CFAP20DC: variants seen among roughly 807,000 people sequenced by gnomAD.
CFAP20DC encodes the protein protein CFAP20DC.
A neutral mutation model predicts 101.7 loss-of-function variants in CFAP20DC; 84 were observed. That is an observed-to-expected ratio of 0.83 (90% confidence interval 0.69 to 0.99). The LOEUF (loss-of-function observed/expected upper bound fraction) is 0.99, where lower values mean the gene tolerates loss of function less well. CFAP20DC is among the 50% of genes least tolerant of loss of function. The pLI, the probability that CFAP20DC is intolerant of heterozygous loss-of-function variation, is 0.00. For missense variants in CFAP20DC, 1,007 were observed against 970.3 expected (o/e 1.04, Z -0.50); for synonymous variants, 359 against 351.2 (o/e 1.02, Z -0.25).
chr3:58,810,181 G>A (rs546431312), intron 14 of CFAP20DC, among the ~76,000 whole-genome samples: 31 of 152,156 alleles, frequency 2.0e-4, no homozygotes, highest in African/African-American at 7.5e-4. Context: ...GAAAAAGAGG[G>A]AATCCTCCCT....
chr3:58,929,134 A>G (rs1440934572), intron 5 of CFAP20DC, among the ~76,000 whole-genome samples: 1 of 152,202 alleles, frequency 6.6e-6, no homozygotes, highest in Admixed American at 6.5e-5. Context: ...AATATGAAAG[A>G]CCTTTCAGTC....
intron 5 of CFAP20DC, among the ~76,000 whole-genome samples, chr3:58,917,495 A>G (rs1315078788): frequency 1.3e-5 from 2 of 152,226 alleles, no homozygotes; most frequent in African/African-American, 4.8e-5. Flanking sequence ...ATGACAAACA[A>G]GAAACCACAA....
chr3:58,936,853 G>A (rs1214203934), intron 5 of CFAP20DC, among the ~76,000 whole-genome samples: 1 of 151,594 alleles, frequency 6.6e-6, no homozygotes, highest in Admixed American at 6.6e-5. Context: ...CAGCACACCA[G>A]CATGGCACAT....
In CFAP20DC at chr3:58,861,521, G is replaced by A; in HGVS notation, c.1593+2037C>T. 1 of 966,320 alleles carries A rather than the reference G, an allele frequency of 1.0e-6. No homozygotes were observed. Among genetic ancestry groups the A allele is most frequent in the Non-Finnish European group, 1.2e-6 (1 of 812,574 alleles). 59.9% of individuals were successfully genotyped at this position (966,320 alleles called of 1,614,324 possible). A position where few individuals can be genotyped will look rare whatever the true frequency, so the allele number is the denominator to read the frequency against. ...TAGAAGAAGCTATCCTACAGGAAAAGAAATTACCAAAAGTACAAAAGAAAA... is the reference window on the plus strand; with the variant it reads ...TAGAAGAAGCTATCCTACAGGAAAAAAAATTACCAAAAGTACAAAAGAAAA... On this transcript the variant is annotated intron_variant, in intron 12 of 16. Coordinates refer to ENST00000482387, the MANE Select transcript of CFAP20DC (RefSeq NM_001394063.1). This position sits in a 1 kb window ranked among gnomAD's most constrained non-coding sequence, Gnocchi z 4.0.
chr3:59,004,720 T>C (rs574697549), intron 4 of CFAP20DC, among the ~76,000 whole-genome samples: 6 of 152,356 alleles, frequency 3.9e-5, no homozygotes, highest in African/African-American at 7.2e-5. Flanking sequence ...TGTGGCTGCA[T>C]AGAGGCCCCC....
chr3:58,960,406 C>G (rs914997219), intron 4 of CFAP20DC, among the ~76,000 whole-genome samples: 4 of 151,212 alleles, frequency 2.6e-5, no homozygotes, highest in African/African-American at 9.7e-5. Context: ...GCAGAAGAAT[C>G]GCTTGAATTC....
intron 12 of CFAP20DC, chr3:58,862,449 G>T (rs2079328916): frequency 1.0e-5 from 10 of 985,254 alleles, no homozygotes; most frequent in Non-Finnish European, 9.6e-6. Context: ...AAAAGGATTT[G>T]CAGTAGGTTA....
chr3:58,964,404 C>T lies in CFAP20DC; in HGVS notation c.279-26642G>A, dbSNP rs1051847345. 1.3e-5 allele frequency among the ~76,000 whole-genome samples: 2 copies of T among 152,188 alleles called. No individual in the cohort carries two copies. The highest frequency in any genetic ancestry group is 2.4e-5 in the African/African-American group (1 of 41,454). Reference sequence around the variant, plus strand: ...CGTGTATGTTTCCTTATCACTCATGCACACAACCCTTTTCATGAATATTCA... The same window carrying T: ...CGTGTATGTTTCCTTATCACTCATGTACACAACCCTTTTCATGAATATTCA... On this transcript the variant is annotated intron_variant, in intron 4 of 16. Transcript: ENST00000482387. The surrounding 1 kb of genome is among the most constrained non-coding windows in gnomAD (Gnocchi z 4.1).
At chr3:58,915,612 G>T (rs1481939358) in intron 5 of CFAP20DC, among the ~76,000 whole-genome samples, 1 of 152,066 alleles carries the variant, frequency 6.6e-6, no homozygotes. Flanking sequence ...GTCTGGGAAG[G>T]AAGGCAGACA....
intron 4 of CFAP20DC, among the ~76,000 whole-genome samples, chr3:58,946,645 T>C (rs1385195968): frequency 2.0e-5 from 3 of 151,898 alleles, no homozygotes; most frequent in Middle Eastern, 3.4e-3. Flanking sequence ...TCAAACCCCA[T>C]GAAGAAAAAT....
intron 15 of CFAP20DC, among the ~76,000 whole-genome samples, chr3:58,780,043 G>A (rs1207052974): frequency 6.6e-6 from 1 of 152,118 alleles, no homozygotes; most frequent in African/African-American, 2.4e-5. Context: ...GGCCAGGAGA[G>A]AATGGGATGA....
chr3:58,934,502 A>G (rs1307806913), intron 5 of CFAP20DC, among the ~76,000 whole-genome samples: 1 of 152,226 alleles, frequency 6.6e-6, no homozygotes, highest in Non-Finnish European at 1.5e-5. Context: ...TCCTTGATGA[A>G]CATTGATGCA....
intron 13 of CFAP20DC, among the ~76,000 whole-genome samples, chr3:58,843,126 A>G (rs9681024): frequency 0.72 from 108,909 of 152,124 alleles, 40,567 homozygotes; most frequent in African/African-American, 0.93. Flanking sequence ...CCAAAGGAAC[A>G]CAGTTCCTCA....
At chr3:58,816,323 G>C (rs1004252503) in intron 14 of CFAP20DC, among the ~76,000 whole-genome samples, 1 of 152,168 alleles carries the variant, frequency 6.6e-6, no homozygotes. Context: ...CTGGTCTACA[G>C]CTCCCAGAGT....
chr3:58,885,930 T>A (rs1321380206), intron 6 of CFAP20DC, among the ~76,000 whole-genome samples: 2 of 152,174 alleles, frequency 1.3e-5, no homozygotes, highest in Non-Finnish European at 2.9e-5. Context: ...GGAGTGCAGA[T>A]GTCTCTCTGT....
At chr3:58,901,161 AAAC>A (rs1386703841) in intron 6 of CFAP20DC, among the ~76,000 whole-genome samples, 1 of 152,198 alleles carries the variant, frequency 6.6e-6, no homozygotes, top group Non-Finnish European at 1.5e-5. Context: ...CACCTCTCTG[AAAC>A]AACAGTGAGG....
At position 58,874,139 on chromosome 3, in the gene CFAP20DC, C is replaced by T. The variant is rs193296358; in HGVS notation, c.716-3830G>A. On this transcript the variant is annotated intron_variant, in intron 7 of 16. Coordinates refer to ENST00000482387, the MANE Select transcript of CFAP20DC (RefSeq NM_001394063.1). This position sits in a 1 kb window ranked among gnomAD's most constrained non-coding sequence, Gnocchi z 5.1. ...GCTCCTCTTCAGTGTCTGAAAGGCA[C>T]TTCAAACTGGAAACCTGGTCTAATG... Among the ~76,000 whole-genome samples the T allele has an allele frequency of 1.2e-4, 18 of 152,348 alleles. No homozygotes were observed. In the East Asian group the frequency reaches 3.3e-3, roughly 28 times the overall value.
At chr3:58,756,985 GT>G (rs1256919247) in intron 15 of CFAP20DC, among the ~76,000 whole-genome samples, 1 of 151,954 alleles carries the variant, frequency 6.6e-6, no homozygotes, top group African/African-American at 2.4e-5. Context: ...TGTTTTCAAT[GT>G]TTTGCAATGA....
At chr3:58,858,784 T>C (rs565807524) in intron 12 of CFAP20DC, among the ~76,000 whole-genome samples, 3 of 152,360 alleles carry the variant, frequency 2.0e-5, no homozygotes, top group East Asian at 1.9e-4. Context: ...TTGTCCATCA[T>C]GTTAGTAACT....
Sources: gnomAD v4.1 joint callset for allele counts (sites outside exome capture counted in the v4.1 genomes callset) on GRCh38, gnomAD v4.1.1 for gene constraint, Gnocchi (gnomAD v3.1) non-coding constraint, MANE v1.5 for transcripts, NCBI Gene and HGNC (gene_info 2026-07-23, HGNC 2026-07-21) for gene names.